PARD3B: variants seen among roughly 807,000 people sequenced by gnomAD.
PARD3B encodes the protein par-3 family cell polarity regulator beta, also known as partitioning defective 3 homolog B.
In PARD3B, 103 loss-of-function variants were observed where a neutral mutation model predicts 130.2. The ratio of observed to expected loss-of-function variants is 0.79; its 90% CI spans 0.67 to 0.93. The LOEUF (loss-of-function observed/expected upper bound fraction) is 0.93. Ranked by LOEUF, PARD3B falls within the 40% of genes least tolerant of loss-of-function variation. The pLI, the probability that PARD3B is intolerant of heterozygous loss-of-function variation, is 0.00. For missense variants in PARD3B, 1,609 were observed against 1,499.2 expected (o/e 1.07, Z -1.21); for synonymous variants, 583 against 553.2 (o/e 1.05, Z -0.76).
intron 1 of PARD3B, among the ~76,000 whole-genome samples, chr2:204,567,362 A>G (rs915642297): frequency 6.6e-6 from 1 of 152,170 alleles, no homozygotes; most frequent in Non-Finnish European, 1.5e-5. Context: ...CCATTAAATA[A>G]TAACTCCCTA....
chr2:204,844,564 G>A (rs2044388314), intron 2 of PARD3B, among the ~76,000 whole-genome samples: 1 of 152,032 alleles, frequency 6.6e-6, no homozygotes, highest in East Asian at 1.9e-4. Flanking sequence ...AAAAGTTTTG[G>A]TACTAACGTG....
At chr2:204,783,460 C>T (rs989714442) in intron 2 of PARD3B, among the ~76,000 whole-genome samples, 5 of 152,054 alleles carry the variant, frequency 3.3e-5, no homozygotes, top group African/African-American at 9.7e-5. Flanking sequence ...ACCTTAATTA[C>T]CTCCCTCAAG....
intron 3 of PARD3B, among the ~76,000 whole-genome samples, chr2:204,975,707 G>T (rs1692084459): frequency 6.6e-6 from 1 of 152,110 alleles, no homozygotes. Flanking sequence ...CTATTGAGTG[G>T]TTTAAGCAAA....
At chr2:204,983,369 A>G (rs1692849110) in intron 3 of PARD3B, among the ~76,000 whole-genome samples, 2 of 148,294 alleles carry the variant, frequency 1.3e-5, no homozygotes, top group South Asian at 2.3e-4. Context: ...TTAATAAACA[A>G]TGCATCCAAA....
rs1237274579 is a variant in PARD3B, at chr2:204,677,666, G to A, written c.121-8515G>A. ...CTTGTTCTGTTCTCACACAGTCCTT[G>A]TATTATCATAGCCTAAGATGGTAAT... On this transcript the variant is annotated intron_variant, in intron 1 of 22. Coordinates refer to ENST00000406610, the MANE Select transcript of PARD3B (RefSeq NM_001302769.2). This position sits in a 1 kb window ranked among gnomAD's most constrained non-coding sequence, Gnocchi z 4.1. Among the ~76,000 whole-genome samples the A allele has an allele frequency of 1.3e-5, 2 of 152,186 alleles. No homozygotes were observed. The highest frequency in any genetic ancestry group is 4.8e-5 in the African/African-American group (2 of 41,444).
At chr2:205,000,790 C>A (rs142085882) in intron 3 of PARD3B, among the ~76,000 whole-genome samples, 2 of 152,036 alleles carry the variant, frequency 1.3e-5, no homozygotes, top group Non-Finnish European at 2.9e-5. Flanking sequence ...TACTTCCATC[C>A]ATATTGCTTG....
At chr2:205,033,637 T>C (rs1697583124) in intron 3 of PARD3B, among the ~76,000 whole-genome samples, 1 of 152,166 alleles carries the variant, frequency 6.6e-6, no homozygotes, top group Non-Finnish European at 1.5e-5. Flanking sequence ...ATGAATATCT[T>C]AGTCATCATT....
At chr2:205,545,961 A>G (rs2052362010) in intron 21 of PARD3B, among the ~76,000 whole-genome samples, 1 of 152,164 alleles carries the variant, frequency 6.6e-6, no homozygotes, top group African/African-American at 2.4e-5. Flanking sequence ...AATACATACT[A>G]ATTTAAGGAA....
At position 204,899,256 on chromosome 2, in the gene PARD3B, C is replaced by CCCTTCCTTCCTTCCTT. The variant is rs147570066; in HGVS notation, c.223-65888_223-65873dup. Among the ~76,000 whole-genome samples, 252 of 128,276 alleles carry CCCTTCCTTCCTTCCTT rather than the reference C, an allele frequency of 2.0e-3. 2 individuals are homozygous for CCCTTCCTTCCTTCCTT. The highest frequency in any genetic ancestry group is 7.6e-3 in the African/African-American group (233 of 30,812). The allele number at this position is 128,276 out of a possible 152,430, so 84.2% of individuals were successfully genotyped here. On this transcript the variant is annotated intron_variant, in intron 2 of 22. Transcript: ENST00000406610. Reference sequence around the variant, plus strand: ...TCCTTCCCTCCCTCCCTCCCTCCCTCCCTTCCTTCCTTCCTTCCTTCCTGT... The same window carrying CCCTTCCTTCCTTCCTT: ...TCCTTCCCTCCCTCCCTCCCTCCCTCCCTTCCTTCCTTCCTTCCTTCCTTCCTTCCTTCCTTCCTGT...
At chr2:205,004,441 A>G (rs1204398408) in intron 3 of PARD3B, among the ~76,000 whole-genome samples, 3 of 152,212 alleles carry the variant, frequency 2.0e-5, no homozygotes, top group South Asian at 2.1e-4. Context: ...TATCATTTCA[A>G]TTCAGGCCCT....
At chr2:205,328,454 A>G (rs2043007401) in intron 18 of PARD3B, among the ~76,000 whole-genome samples, 10 of 152,172 alleles carry the variant, frequency 6.6e-5, no homozygotes, top group Admixed American at 6.5e-4. Flanking sequence ...TGGTTTTTAT[A>G]AGTAAATATC....
chr2:204,808,912 C>A (rs772724799), intron 2 of PARD3B, among the ~76,000 whole-genome samples: 4 of 151,466 alleles, frequency 2.6e-5, no homozygotes, highest in Non-Finnish European at 4.4e-5. Flanking sequence ...CACCACACTG[C>A]TTTTCATTTT....
intron 13 of PARD3B, among the ~76,000 whole-genome samples, chr2:205,184,909 A>G (rs2036007267): frequency 1.3e-5 from 2 of 152,170 alleles, no homozygotes; most frequent in African/African-American, 2.4e-5. Flanking sequence ...ACACAGCAGT[A>G]GGGTTGGAAA....
At chr2:204,765,087 G>C (rs547298266) in intron 2 of PARD3B, among the ~76,000 whole-genome samples, 3 of 152,214 alleles carry the variant, frequency 2.0e-5, no homozygotes, top group Non-Finnish European at 4.4e-5. Flanking sequence ...GATGGGATTT[G>C]GTTAACTGAG....
rs2041592297 is a variant in PARD3B, at chr2:205,291,125, A to G, written c.2186-9405A>G. Among the ~76,000 whole-genome samples the G allele has an allele frequency of 6.6e-6, 1 of 152,178 alleles. No individual in the cohort carries two copies. Among genetic ancestry groups the G allele is most frequent in the South Asian group, 2.1e-4 (1 of 4,814 alleles). ...ATGGAAACAGCTTTGAAACTGGGTA[A>G]TGGGTGGAGGCTGAAAGAGTTTTTA... On this transcript the variant is annotated intron_variant, in intron 16 of 22. Coordinates refer to ENST00000406610, the MANE Select transcript of PARD3B (RefSeq NM_001302769.2). This position sits in a 1 kb window ranked among gnomAD's most constrained non-coding sequence, Gnocchi z 4.6.
At chr2:205,252,847 C>T (rs986505257) in intron 16 of PARD3B, among the ~76,000 whole-genome samples, 2 of 137,854 alleles carry the variant, frequency 1.5e-5, no homozygotes, top group African/African-American at 5.3e-5. Flanking sequence ...GACCCCCCCC[C>T]CCCACCAAAA....
intron 4 of PARD3B, among the ~76,000 whole-genome samples, chr2:205,056,861 T>C (rs1699665292): frequency 6.6e-6 from 1 of 151,536 alleles, no homozygotes; most frequent in Admixed American, 6.6e-5. Flanking sequence ...TTAATCAGTG[T>C]ATTTTAATTT....
chr2:204,817,266 T>G (rs1018873706), intron 2 of PARD3B, among the ~76,000 whole-genome samples: 2 of 152,144 alleles, frequency 1.3e-5, no homozygotes, highest in African/African-American at 4.8e-5. Context: ...ATTTTTTTTT[T>G]TTGGTTGCCA....
chr2:205,329,357 G>A (rs1410647066), intron 18 of PARD3B, among the ~76,000 whole-genome samples: 1 of 152,172 alleles, frequency 6.6e-6, no homozygotes, highest in African/African-American at 2.4e-5. Context: ...AGAGAGAACA[G>A]TTTTGGGGCA....
Sources: gnomAD v4.1 joint callset for allele counts (sites outside exome capture counted in the v4.1 genomes callset) on GRCh38, gnomAD v4.1.1 for gene constraint, Gnocchi (gnomAD v3.1) non-coding constraint, MANE v1.5 for transcripts, NCBI Gene and HGNC (gene_info 2026-07-23, HGNC 2026-07-21) for gene names.